Variants in DNAH11 observed in about 807,000 individuals in gnomAD.
The protein encoded by DNAH11 is dynein axonemal heavy chain 11.
DNAH11 carries 442 observed loss-of-function variants against 526.0 expected under a neutral mutation model. The ratio of observed to expected loss-of-function variants is 0.84; its 90% CI spans 0.78 to 0.91. The LOEUF (loss-of-function observed/expected upper bound fraction) is 0.91, where lower values mean the gene tolerates loss of function less well. Ranked by LOEUF, DNAH11 falls within the 40% of genes least tolerant of loss-of-function variation. The probability of loss-of-function intolerance (pLI) is 0.00; values close to 1 mark genes in which losing one functional copy is unlikely to be tolerated. For missense variants in DNAH11, 6,989 were observed against 5,448.7 expected (o/e 1.28, Z -8.90); for synonymous variants, 2,461 against 1,935.9 (o/e 1.27, Z -7.12).
chr7:21,655,763 C>A, intron 28 of DNAH11, 69 bp from the exon 29 acceptor site: 1 of 1,461,370 alleles, frequency 6.8e-7, no homozygotes, highest in Non-Finnish European at 9.4e-7. Context: ...CATATGGCAT[C>A]ATCTCTAGAT....
chr7:21,672,146 G>C lies in DNAH11; in HGVS notation c.5329-9400G>C, dbSNP rs144787229. Among the ~76,000 whole-genome samples the C allele has an allele frequency of 4.6e-5, 7 of 152,252 alleles. No homozygotes were observed. The East Asian group carries it at 1.4e-3, about 29-fold the overall frequency. ...GTGGGTTTCAAGATGAGAGGTCCTC[G>C]TTGCTGTTATGAAACAAGAGGAACT... On this transcript the variant is annotated intron_variant, in intron 30 of 81. Transcript: ENST00000409508.
intron 30 of DNAH11, among the ~76,000 whole-genome samples, chr7:21,679,577 G>A (rs904776532): frequency 3.9e-5 from 6 of 152,094 alleles, no homozygotes; most frequent in Admixed American, 6.6e-5. Context: ...TAAAGCTGTC[G>A]TGTATCCTGA....
intron 14 of DNAH11, among the ~76,000 whole-genome samples, chr7:21,598,473 T>TA (rs1784948600): frequency 6.6e-6 from 1 of 152,138 alleles, no homozygotes; most frequent in South Asian, 2.1e-4. Context: ...TGGGAGACAC[T>TA]AAGGTGCAAG....
chr7:21,735,479 G>T (rs1470599943), intron 45 of DNAH11, among the ~76,000 whole-genome samples, 161 bp from the exon 46 acceptor site: 1 of 152,204 alleles, frequency 6.6e-6, no homozygotes, highest in Non-Finnish European at 1.5e-5. Context: ...TGAAAATAAG[G>T]TGGAATCTCT....
At chr7:21,569,966 TTTAGA>T in intron 6 of DNAH11, 98 bp from the exon 7 acceptor site, 1 of 961,662 alleles carries the variant, frequency 1.0e-6, no homozygotes, top group South Asian at 2.0e-5. Context: ...CTGGCCCAAC[TTTAGA>T]TACTGGCATT....
At position 21,601,538 on chromosome 7, in the gene DNAH11, T is replaced by G. The variant is rs1261021735; in HGVS notation, c.3568T>G (p.Phe1190Val). The G allele has an allele frequency of 3.1e-6, 5 of 1,613,322 alleles. No homozygotes were observed. Among genetic ancestry groups the G allele is most frequent in the Non-Finnish European group, 4.2e-6 (5 of 1,179,490 alleles). ...RSRQRATDELFEPLKETITLL... is the reference protein window; with the variant it reads ...RSRQRATDELVEPLKETITLL... ...CCGACAGAGAGCTACTGATGAACTC[T>G]TTGAACCTCTAAAAGAAACGATCAC... Residue 1190 changes from phenylalanine to valine, a missense_variant, in exon 18 of 82, where the codon TTT (phenylalanine) becomes GTT (valine). Transcript: ENST00000409508.
At chr7:21,761,381 T>C (rs980943124) in intron 54 of DNAH11, among the ~76,000 whole-genome samples, 1 of 152,062 alleles carries the variant, frequency 6.6e-6, no homozygotes, top group Non-Finnish European at 1.5e-5. Context: ...AGAATTTAGA[T>C]TACATGTAAT....
intron 54 of DNAH11, among the ~76,000 whole-genome samples, chr7:21,763,324 A>G (rs1787006385): frequency 7.6e-6 from 1 of 132,004 alleles, no homozygotes; most frequent in Admixed American, 8.1e-5. Flanking sequence ...CCTGGGCAAC[A>G]GAGCAAGACT....
intron 54 of DNAH11, among the ~76,000 whole-genome samples, chr7:21,762,579 T>C (rs1177885894): frequency 6.6e-6 from 1 of 152,188 alleles, no homozygotes; most frequent in Non-Finnish European, 1.5e-5. Flanking sequence ...AAACTATGCA[T>C]TTTAACTAAG....
At position 21,892,442 on chromosome 7, in the gene DNAH11, G is replaced by A. The variant is rs753531355; in HGVS notation, c.12525G>A (p.Met4175Ile). 3.1e-6 allele frequency: 5 copies of A among 1,611,172 alleles called. No homozygotes were observed. Among genetic ancestry groups the A allele is most frequent in the Non-Finnish European group, 4.2e-6 (5 of 1,177,822 alleles). The change falls in exon 77 of 82, where the codon ATG becomes ATA. Residue 4175 changes from methionine to isoleucine, a missense_variant. By Grantham distance (10) the Met-to-Ile change is conservative. Transcript: ENST00000409508. Reference sequence around the variant, plus strand: ...GGTTCAAGACTGAAGATGAACTGATGCTGGCACCAGGTTTTGCTGCCCCAC... The same window carrying A: ...GGTTCAAGACTGAAGATGAACTGATACTGGCACCAGGTTTTGCTGCCCCAC... ...MNPSLTEDELMLAPGFAAPPY... is the reference protein window; with the variant it reads ...MNPSLTEDELILAPGFAAPPY...
rs1330445927 is a variant in DNAH11 at position 21,726,935 on chromosome 7, C to CTTTTTTTTTTTTTT, written c.7440+954_7440+967dup. Among the ~76,000 whole-genome samples, 82 of 31,990 alleles carry CTTTTTTTTTTTTTT rather than the reference C, an allele frequency of 2.6e-3. 30 individuals carry two copies. The highest frequency in any genetic ancestry group is 9.8e-3 in the African/African-American group (67 of 6,842). 21.0% of individuals were successfully genotyped at this position (31,990 alleles called of 152,430 possible). ...CTGTTATATTTCTGCATCCTCTTTT[C>CTTTTTTTTTTTTTT]TTTTTTTTTTTTTTTTGAGATGGAG... is the stretch of plus-strand genomic sequence containing the variant. On this transcript the variant is annotated intron_variant, in intron 45 of 81. Coordinates refer to ENST00000409508, the MANE Select transcript of DNAH11 (RefSeq NM_001277115.2).
chr7:21,878,730 A>G (rs1783805295), intron 74 of DNAH11, among the ~76,000 whole-genome samples: 1 of 152,182 alleles, frequency 6.6e-6, no homozygotes. Context: ...AGCACTGTCT[A>G]AAGAAACTGA....
chr7:21,803,511 T>G (rs1261830918), intron 62 of DNAH11, among the ~76,000 whole-genome samples: 1 of 152,086 alleles, frequency 6.6e-6, no homozygotes, highest in Non-Finnish European at 1.5e-5. Context: ...AAAGCTGATG[T>G]TTTTCTGGAA....
chr7:21,621,827 T>G (rs1412524274), intron 25 of DNAH11, among the ~76,000 whole-genome samples: 4 of 152,092 alleles, frequency 2.6e-5, no homozygotes, highest in Admixed American at 1.3e-4. Flanking sequence ...CTCAAAATAA[T>G]AAGAGCTATC....
chr7:21,643,738 G>C (rs1173093786), intron 28 of DNAH11, among the ~76,000 whole-genome samples: 1 of 152,306 alleles, frequency 6.6e-6, no homozygotes, highest in East Asian at 1.9e-4. Context: ...AGCATTTTCA[G>C]ATGAAAAATC....
Position 21,744,539 on chromosome 7 carries a change from C to T in DNAH11, c.8256C>T (p.Asp2752=). The T allele has an allele frequency of 6.2e-7, 1 of 1,612,144 alleles. No homozygotes were observed. Among genetic ancestry groups the T allele is most frequent in the Non-Finnish European group, 8.5e-7 (1 of 1,179,438 alleles). ...SARVYGDKLI[D]KKDCDLFQRR... ...GTGTTTATGGAGACAAACTGATAGA[C>T]AAAAAAGATTGTGATTTGTTTCAGA... The change falls in exon 50 of 82, where the codon GAC becomes GAT. Residue 2752 remains aspartate, a synonymous_variant. Transcript: ENST00000409508.
chr7:21,560,304 G>A (rs2128431532), intron 4 of DNAH11, among the ~76,000 whole-genome samples: 1 of 152,260 alleles, frequency 6.6e-6, no homozygotes, highest in East Asian at 1.9e-4. Context: ...AGGTTCTCTA[G>A]ATGGATCAAC....
intron 64 of DNAH11, among the ~76,000 whole-genome samples, chr7:21,817,949 T>A (rs1262497694): frequency 1.3e-5 from 2 of 152,174 alleles, no homozygotes; most frequent in Admixed American, 6.5e-5. Flanking sequence ...TCAACTACAG[T>A]TGCTATTACA....
intron 42 of DNAH11, among the ~76,000 whole-genome samples, 179 bp downstream of exon 42, chr7:21,712,039 C>T (rs1562503467): frequency 6.6e-6 from 1 of 152,144 alleles, no homozygotes; most frequent in African/African-American, 2.4e-5. Flanking sequence ...ACACCTCATT[C>T]TCCCCTCCTC....
Sources: allele counts gnomAD v4.1 joint callset (sites outside exome capture counted in the v4.1 genomes callset), GRCh38; gene constraint gnomAD v4.1.1; transcripts MANE v1.5; gene names NCBI Gene and HGNC (gene_info 2026-07-23, HGNC 2026-07-21).